Variants in ZNF385B observed in about 807,000 individuals in gnomAD.
ZNF385B encodes the protein zinc finger protein 533.
In ZNF385B, 23 loss-of-function variants were observed where a neutral mutation model predicts 39.2. The ratio of observed to expected loss-of-function variants is 0.59; its 90% CI spans 0.42 to 0.83. The LOEUF (loss-of-function observed/expected upper bound fraction) is 0.83, where lower values mean the gene tolerates loss of function less well. Among genes scored for constraint, ZNF385B ranks in the 40% least tolerant of loss-of-function variants. The pLI is 0.00. For synonymous variants in ZNF385B, 205 were observed against 222.6 expected (o/e 0.92, Z 0.70); for missense variants, 552 against 598.9 (o/e 0.92, Z 0.82).
At position 179,669,059 on chromosome 2, in the gene ZNF385B, A is replaced by G. The variant is rs1695562566; in HGVS notation, c.298+100444T>C. On this transcript the variant is annotated intron_variant, in intron 3 of 9. Transcript: ENST00000410066. ...CAACACAGAACTATGAAGAGAGCAT[A>G]TTTATATTTAGTTGTACTACTGTCA... Among the ~76,000 whole-genome samples the G allele has an allele frequency of 2.0e-5, 3 of 152,242 alleles. No homozygotes were observed. In the South Asian group the frequency reaches 6.2e-4, roughly 32 times the overall value.
intron 3 of ZNF385B, among the ~76,000 whole-genome samples, chr2:179,595,508 C>T (rs1033593671): frequency 6.6e-6 from 1 of 152,108 alleles, no homozygotes; most frequent in African/African-American, 2.4e-5. Flanking sequence ...GGTGGTGATG[C>T]TTCCTAATGG....
At chr2:179,834,986 G>C (rs373759577) in intron 1 of ZNF385B, among the ~76,000 whole-genome samples, 2 of 152,202 alleles carry the variant, frequency 1.3e-5, no homozygotes, top group South Asian at 2.1e-4. Context: ...AATATCATAA[G>C]GAACAAAGAA....
chr2:179,752,652 T>C (rs550257630), intron 3 of ZNF385B, among the ~76,000 whole-genome samples: 106 of 152,280 alleles, frequency 7.0e-4, no homozygotes, highest in African/African-American at 1.8e-3. Context: ...TGGTATCTCA[T>C]TGTGGTTTTG....
intron 6 of ZNF385B, among the ~76,000 whole-genome samples, chr2:179,456,582 T>C (rs2050731533): frequency 6.6e-6 from 1 of 152,212 alleles, no homozygotes; most frequent in South Asian, 2.1e-4. Flanking sequence ...AAAAACTTTA[T>C]AATAATAAAC....
intron 1 of ZNF385B, among the ~76,000 whole-genome samples, chr2:179,839,029 A>G (rs909176783): frequency 6.6e-6 from 1 of 152,158 alleles, no homozygotes; most frequent in Non-Finnish European, 1.5e-5. Context: ...TCCTATAAAC[A>G]GTCTGAAGGA....
intron 1 of ZNF385B, among the ~76,000 whole-genome samples, chr2:179,838,581 A>C (rs2106610964): frequency 6.6e-6 from 1 of 152,296 alleles, no homozygotes; most frequent in Non-Finnish European, 1.5e-5. Context: ...AATGCTTGCT[A>C]TGTTGCCATT....
intron 4 of ZNF385B, among the ~76,000 whole-genome samples, chr2:179,521,522 A>T (rs567677151): frequency 6.6e-6 from 1 of 151,782 alleles, no homozygotes; most frequent in South Asian, 2.1e-4. Flanking sequence ...ATTCTGCCCA[A>T]ATCTCACATT....
chr2:179,527,659 T>A (rs1014637566), intron 4 of ZNF385B, among the ~76,000 whole-genome samples: 9 of 152,182 alleles, frequency 5.9e-5, no homozygotes, highest in African/African-American at 1.9e-4. Flanking sequence ...ATATCAACTT[T>A]AAATATTCAG....
At chr2:179,696,469 T>C (rs1388356628) in intron 3 of ZNF385B, among the ~76,000 whole-genome samples, 3 of 151,738 alleles carry the variant, frequency 2.0e-5, no homozygotes, top group Admixed American at 6.6e-5. Context: ...TCAGTTCTAA[T>C]AGCTATACTA....
At position 179,573,000 on chromosome 2, in the gene ZNF385B, A is replaced by C. The variant is rs1043451350; in HGVS notation, c.299-28031T>G. Among the ~76,000 whole-genome samples, 7 of 152,338 alleles carry C rather than the reference A, an allele frequency of 4.6e-5. No homozygotes were observed. The East Asian group carries it at 1.3e-3, about 29-fold the overall frequency. ...TTACTAGGACTATTTAATAAATAATAAAGTAGCAGAATTTTCCCAATTATA... is the reference window on the plus strand; with the variant it reads ...TTACTAGGACTATTTAATAAATAATCAAGTAGCAGAATTTTCCCAATTATA... On this transcript the variant is annotated intron_variant, in intron 3 of 9. Transcript: ENST00000410066.
At chr2:179,749,562 A>C (rs888921159) in intron 3 of ZNF385B, among the ~76,000 whole-genome samples, 2 of 152,130 alleles carry the variant, frequency 1.3e-5, no homozygotes, top group Admixed American at 1.3e-4. Context: ...TTAAGATGTG[A>C]AAGTCAAATG....
intron 6 of ZNF385B, among the ~76,000 whole-genome samples, chr2:179,461,451 A>G (rs1331250780): frequency 6.6e-6 from 1 of 152,226 alleles, no homozygotes; most frequent in Non-Finnish European, 1.5e-5. Context: ...AGACTTATTC[A>G]TTAGGTGTGG....
chr2:179,630,311 T>C (rs1014190245), intron 3 of ZNF385B, among the ~76,000 whole-genome samples: 4 of 152,214 alleles, frequency 2.6e-5, no homozygotes, highest in Non-Finnish European at 4.4e-5. Context: ...GGAATAAAGC[T>C]TCCAGAGGAA....
At chr2:179,755,027 G>A (rs1454489842) in intron 3 of ZNF385B, among the ~76,000 whole-genome samples, 1 of 151,680 alleles carries the variant, frequency 6.6e-6, no homozygotes, top group African/African-American at 2.4e-5. Flanking sequence ...TGATGTTAGG[G>A]TGTCAATTTT....
At chr2:179,453,705 T>C (rs1477368888) in intron 6 of ZNF385B, among the ~76,000 whole-genome samples, 1 of 152,118 alleles carries the variant, frequency 6.6e-6, no homozygotes, top group Non-Finnish European at 1.5e-5. Flanking sequence ...ACAGGATGAT[T>C]TGAAAGGTGG....
rs557266538 is a variant in ZNF385B, at chr2:179,817,869, G to A, written c.-155+43232C>T. The stretch of plus-strand genomic sequence containing the variant: ...AATCTGAGAAAGAGAAAGTTCATGC[G>A]CATACGCAATTTTCCCCTTGGAAAA... On this transcript the variant is annotated intron_variant, in intron 1 of 9. Transcript: ENST00000410066. 1.6e-3 allele frequency among the ~76,000 whole-genome samples: 245 copies of A among 152,258 alleles called. 1 individual carries two copies. Among genetic ancestry groups the A allele is most frequent in the African/African-American group, 2.8e-3 (118 of 41,554 alleles).
intron 3 of ZNF385B, among the ~76,000 whole-genome samples, chr2:179,656,022 T>C (rs1241307920): frequency 6.6e-6 from 1 of 152,202 alleles, no homozygotes; most frequent in African/African-American, 2.4e-5. Context: ...TTATTTATGT[T>C]AATAGGTTTG....
chr2:179,671,592 G>A (rs1195679177), intron 3 of ZNF385B, among the ~76,000 whole-genome samples: 1 of 152,152 alleles, frequency 6.6e-6, no homozygotes, highest in Non-Finnish European at 1.5e-5. Context: ...AATCATCAGG[G>A]CTGCCACCCT....
At chr2:179,582,289 G>A (rs1686616108) in intron 3 of ZNF385B, among the ~76,000 whole-genome samples, 1 of 152,144 alleles carries the variant, frequency 6.6e-6, no homozygotes, top group South Asian at 2.1e-4. Context: ...ATTAGCATTA[G>A]TGCTACAGAC....
Sources: gnomAD v4.1 joint callset for allele counts (sites outside exome capture counted in the v4.1 genomes callset) on GRCh38, gnomAD v4.1.1 for gene constraint, MANE v1.5 for transcripts, NCBI Gene and HGNC (gene_info 2026-07-23, HGNC 2026-07-21) for gene names.